The following IER3 variants were observed in gnomAD, a reference collection of about 807,000 sequenced individuals.
The protein encoded by IER3 is immediate early response 3.
IER3 carries 5 observed loss-of-function variants against 5.4 expected under a neutral mutation model. The ratio of observed to expected loss-of-function variants is 0.92; its 90% confidence interval spans 0.48 to 1.94. The LOEUF (loss-of-function observed/expected upper bound fraction) is 1.94, where lower values mean the gene tolerates loss of function less well. Ranked by LOEUF, IER3 falls within the 30% of genes most tolerant of loss-of-function variation. IER3 has a pLI of 0.01. For missense variants in IER3, 158 were observed against 218.2 expected (o/e 0.72, Z 1.74); for synonymous variants, 81 against 97.8 (o/e 0.83, Z 1.01).
Position 30,743,617 on chromosome 6 carries a change from T to C in IER3, c.*319A>G, listed in dbSNP as rs1267095854. On this transcript the variant is annotated 3_prime_UTR_variant, in exon 2 of 2. Coordinates refer to ENST00000259874, the MANE Select transcript of IER3 (RefSeq NM_003897.4). The surrounding 1 kb of genome is among the most constrained non-coding windows in gnomAD (Gnocchi z 6.5). ...ACACCCTTGCATAAGTTAAAATAAA[T>C]ATTACGTACACATCTCCATCACCTA... 2.2e-6 allele frequency: 1 copy of C among 446,870 alleles called. No individual in the cohort carries two copies. The allele number at this position is 446,870 out of a possible 1,614,324, so 27.7% of individuals were successfully genotyped here.
In IER3 at chr6:30,744,383, C is replaced by T. The variant is rs766796463; in HGVS notation, c.136G>A (p.Ala46Thr). The T allele has an allele frequency of 6.3e-7, 1 of 1,598,010 alleles. No individual in the cohort carries two copies. The highest frequency in any genetic ancestry group is 8.5e-7 in the Non-Finnish European group (1 of 1,174,480). ...GCGCTGGGGCGCCCGGCAGGGGCCG[C>T]TGCGGGCTCCGGGAGAGGGTCGAAG... ...FTFDPLPEPA[A>T]APAGRPSASR... The change falls in exon 1 of 2, where the codon GCG (alanine) becomes ACG (threonine). Residue 46 changes from alanine (A) to threonine (T), a missense_variant. Ala to Thr is a moderately conservative substitution (Grantham distance 58, BLOSUM62 0). Transcript: ENST00000259874. The surrounding 1 kb of genome is among the most constrained non-coding windows in gnomAD (Gnocchi z 6.0).
Position 30,744,065 on chromosome 6 carries a change from G to A in IER3, c.342C>T (p.Ala114=). ...TGGGCGCCAGGGATGCGGCGTTAGG[G>A]GCGTCCTCTGGAGGCAGGGGCGCCG... is the stretch of plus-strand genomic sequence containing the variant. ...GVPAPLPPED[A]PNAASLAPTP... Residue 114 remains alanine (A), a synonymous_variant, in exon 2 of 2, where the codon GCC becomes GCT. Coordinates refer to ENST00000259874, the MANE Select transcript of IER3 (RefSeq NM_003897.4). The surrounding 1 kb of genome is among the most constrained non-coding windows in gnomAD (Gnocchi z 6.0). 1 of 1,614,040 alleles carries A rather than the reference G, an allele frequency of 6.2e-7. No homozygotes were observed.
chr6:30,744,017 C>A lies in IER3; in HGVS notation c.390G>T (p.Glu130Asp). 6.2e-7 allele frequency: 1 copy of A among 1,613,890 alleles called. No individual in the cohort carries two copies. Among genetic ancestry groups the A allele is most frequent in the Non-Finnish European group, 8.5e-7 (1 of 1,179,978 alleles). The change falls in exon 2 of 2, where the codon GAG (glutamate) becomes GAT (aspartate). Residue 130 changes from glutamate (E) to aspartate (D), a missense_variant. Glu to Asp is a conservative substitution (Grantham distance 45, BLOSUM62 2). Transcript: ENST00000259874. This position sits in a 1 kb window ranked among gnomAD's most constrained non-coding sequence, Gnocchi z 6.0. ...AGGGCTCCGAAGTCAGATTAAAGGG[C>A]TCGAGGACGGCGGACACAGGGGTGG... is the stretch of plus-strand genomic sequence containing the variant. ...LAPTPVSAVL[E>D]PFNLTSEPSD...
Position 30,743,780 on chromosome 6 carries a change from G to A in IER3, c.*156C>T. 1 of 1,053,630 alleles carries A rather than the reference G, an allele frequency of 9.5e-7. No individual in the cohort carries two copies. The highest frequency in any genetic ancestry group is 1.3e-6 in the Non-Finnish European group (1 of 744,842). 65.3% of individuals were successfully genotyped at this position (1,053,630 alleles called of 1,614,324 possible). ...TGCGCCTCGGTCTCTGTGCGCCTCG[G>A]TCCCGCCTCAAGCACCGGGTGGCGT... On this transcript the variant is annotated 3_prime_UTR_variant, in exon 2 of 2. Transcript: ENST00000259874. The surrounding 1 kb of genome is among the most constrained non-coding windows in gnomAD (Gnocchi z 6.5).
rs2127787482 is a variant in IER3, at chr6:30,743,500, C to G, written c.*436G>C. 1 of 179,858 alleles carries G rather than the reference C, an allele frequency of 5.6e-6. No homozygotes were observed. Among genetic ancestry groups the G allele is most frequent in the African/African-American group, 2.4e-5 (1 of 42,180 alleles). The allele number at this position is 179,858 out of a possible 1,614,324, so 11.1% of individuals were successfully genotyped here. The stretch of plus-strand genomic sequence containing the variant: ...CGAGTCCTCCCCATTTCTTCTCCTA[C>G]TTTGCCGCAGTTCCAGGTGTCCTGC... On this transcript the variant is annotated 3_prime_UTR_variant, in exon 2 of 2. Coordinates refer to ENST00000259874, the MANE Select transcript of IER3 (RefSeq NM_003897.4). The surrounding 1 kb of genome is among the most constrained non-coding windows in gnomAD (Gnocchi z 6.5).
chr6:30,744,026 G>T lies in IER3; in HGVS notation c.381C>A (p.Ala127=). Residue 127 remains alanine, a synonymous_variant, in exon 2 of 2, where the codon GCC becomes GCA. Transcript: ENST00000259874. This position sits in a 1 kb window ranked among gnomAD's most constrained non-coding sequence, Gnocchi z 6.0. ...AAGTCAGATTAAAGGGCTCGAGGAC[G>T]GCGGACACAGGGGTGGGCGCCAGGG... The part of the protein sequence containing the change: ...AASLAPTPVS[A]VLEPFNLTSE... 8 of 1,613,838 alleles carry T rather than the reference G, an allele frequency of 5.0e-6. No homozygotes were observed. Among genetic ancestry groups the T allele is most frequent in the Non-Finnish European group, 6.8e-6 (8 of 1,179,944 alleles).
In IER3 at chr6:30,744,235, C is replaced by T; in HGVS notation, c.211-39G>A. The T allele has an allele frequency of 6.2e-7, 1 of 1,613,056 alleles. No homozygotes were observed. ...AAACAGGAGACAGGTCAGGTCGAGG[C>T]CTCTGGAGTCGGGTCGTTCCCCAGT... On this transcript the variant is annotated intron_variant, in intron 1 of 1. Transcript: ENST00000259874. This position sits in a 1 kb window ranked among gnomAD's most constrained non-coding sequence, Gnocchi z 6.0.
In IER3 at chr6:30,744,526, C is replaced by G; in HGVS notation, c.-8G>C. 3.4e-6 allele frequency: 5 copies of G among 1,476,748 alleles called. No individual in the cohort carries two copies. The highest frequency in any genetic ancestry group is 4.5e-6 in the Non-Finnish European group (5 of 1,116,968). 91.5% of individuals were successfully genotyped at this position (1,476,748 alleles called of 1,614,324 possible). On this transcript the variant is annotated 5_prime_UTR_variant, in exon 1 of 2. Coordinates refer to ENST00000259874, the MANE Select transcript of IER3 (RefSeq NM_003897.4). The surrounding 1 kb of genome is among the most constrained non-coding windows in gnomAD (Gnocchi z 6.0). ...GCTGCGAGAGTGACACATGGTGAGC[C>G]GAGCGGAGTGTAAGGCCAAGTGAGG...
In IER3 at chr6:30,743,686, A is replaced by G. The variant is rs894777407; in HGVS notation, c.*250T>C. On this transcript the variant is annotated 3_prime_UTR_variant, in exon 2 of 2. Transcript: ENST00000259874. This position sits in a 1 kb window ranked among gnomAD's most constrained non-coding sequence, Gnocchi z 6.5. Reference sequence around the variant, plus strand: ...CATATAAATATTAATTAGGAGCAATAAGAAATAAATTAACGACGCTCTCCT... The same window carrying G: ...CATATAAATATTAATTAGGAGCAATGAGAAATAAATTAACGACGCTCTCCT... 1 of 555,184 alleles carries G rather than the reference A, an allele frequency of 1.8e-6. No individual in the cohort carries two copies. Among genetic ancestry groups the G allele is most frequent in the Non-Finnish European group, 3.1e-6 (1 of 319,452 alleles). The allele number at this position is 555,184 out of a possible 1,614,324, so 34.4% of individuals were successfully genotyped here.
chr6:30,743,665 T>A lies in IER3; in HGVS notation c.*271A>T, dbSNP rs551120111. Reference sequence around the variant, plus strand: ...CTAGGAGGACGTACATAAATACATATAAATATTAATTAGGAGCAATAAGAA... The same window carrying A: ...CTAGGAGGACGTACATAAATACATAAAAATATTAATTAGGAGCAATAAGAA... On this transcript the variant is annotated 3_prime_UTR_variant, in exon 2 of 2. Transcript: ENST00000259874. The surrounding 1 kb of genome is among the most constrained non-coding windows in gnomAD (Gnocchi z 6.5). The A allele has an allele frequency of 2.4e-5, 13 of 541,228 alleles. No homozygotes were observed. The Admixed American group carries it at 4.5e-4, about 19-fold the overall frequency. 33.5% of individuals were successfully genotyped at this position (541,228 alleles called of 1,614,324 possible).
In IER3 at chr6:30,744,089, C is replaced by T. The variant is rs757896403; in HGVS notation, c.318G>A (p.Pro106=). The T allele has an allele frequency of 3.7e-6, 6 of 1,613,906 alleles. No individual in the cohort carries two copies. Among genetic ancestry groups the T allele is most frequent in the East Asian group, 2.2e-5 (1 of 44,892 alleles). The change falls in exon 2 of 2, where the codon CCG becomes CCA. Residue 106 remains proline, a synonymous_variant. Transcript: ENST00000259874. This position sits in a 1 kb window ranked among gnomAD's most constrained non-coding sequence, Gnocchi z 6.0. ...GGGCGTCCTCTGGAGGCAGGGGCGC[C>T]GGCACACCCTCTTCAGCCATCAGGA... ...CQILMAEEGV[P]APLPPEDAPN...
chr6:30,744,027 GC>G lies in IER3; in HGVS notation c.379del (p.Ala127ProfsTer8). 2 of 1,613,860 alleles carry G rather than the reference GC, an allele frequency of 1.2e-6. No homozygotes were observed. The highest frequency in any genetic ancestry group is 1.7e-6 in the Non-Finnish European group (2 of 1,179,944). On this transcript the variant is annotated frameshift_variant, in exon 2 of 2. Transcript: ENST00000259874. LOFTEE classifies it low-confidence loss of function (END_TRUNC). This position sits in a 1 kb window ranked among gnomAD's most constrained non-coding sequence, Gnocchi z 6.0. ...AASLAPTPVS[A>X]VLEPFNLTSE... ...AGTCAGATTAAAGGGCTCGAGGACGGCGGACACAGGGGTGGGCGCCAGGGAT... is the reference window on the plus strand; with the variant it reads ...AGTCAGATTAAAGGGCTCGAGGACGGGGACACAGGGGTGGGCGCCAGGGAT...
In IER3 at chr6:30,743,713, C is replaced by A; in HGVS notation, c.*223G>T. 3.5e-6 allele frequency: 2 copies of A among 570,914 alleles called. No individual in the cohort carries two copies. The highest frequency in any genetic ancestry group is 5.0e-5 in the South Asian group (2 of 40,238). 35.4% of individuals were successfully genotyped at this position (570,914 alleles called of 1,614,324 possible). ...GAAATAAATTAACGACGCTCTCCTT[C>A]CCACCGGGCCTAGCCCCAGCTGGGC... On this transcript the variant is annotated 3_prime_UTR_variant, in exon 2 of 2. Coordinates refer to ENST00000259874, the MANE Select transcript of IER3 (RefSeq NM_003897.4). This position sits in a 1 kb window ranked among gnomAD's most constrained non-coding sequence, Gnocchi z 6.5.
chr6:30,744,392 C>G lies in IER3; in HGVS notation c.127G>C (p.Glu43Gln). ...CGCCCGGCAGGGGCCGCTGCGGGCT[C>G]CGGGAGAGGGTCGAAGGTGAAGATC... ...PEIFTFDPLP[E>Q]PAAAPAGRPS... is the part of the protein sequence containing the mutation. The change falls in exon 1 of 2, where the codon GAG (glutamate) becomes CAG (glutamine). Residue 43 changes from glutamate (E) to glutamine (Q), a missense_variant. Physicochemically the swap from Glu to Gln is conservative, Grantham distance 29. Transcript: ENST00000259874. This position sits in a 1 kb window ranked among gnomAD's most constrained non-coding sequence, Gnocchi z 6.0. 1.3e-6 allele frequency: 2 copies of G among 1,591,666 alleles called. No individual in the cohort carries two copies. The highest frequency in any genetic ancestry group is 1.7e-6 in the Non-Finnish European group (2 of 1,171,948).
rs1562202504 is a variant in IER3, at chr6:30,743,825, G to A, written c.*111C>T. ...TGGCGTCTCCGCTGTAGTGTTCTGA[G>A]TTCAAGTTGCCTCGGAAGTCCCAGT... On this transcript the variant is annotated 3_prime_UTR_variant, in exon 2 of 2. Transcript: ENST00000259874. This position sits in a 1 kb window ranked among gnomAD's most constrained non-coding sequence, Gnocchi z 6.5. The A allele has an allele frequency of 1.4e-6, 2 of 1,458,542 alleles. No homozygotes were observed. The highest frequency in any genetic ancestry group is 1.9e-6 in the Non-Finnish European group (2 of 1,076,148). 90.4% of individuals were successfully genotyped at this position (1,458,542 alleles called of 1,614,324 possible).
chr6:30,743,314 G>T lies in IER3; in HGVS notation c.*622C>A, dbSNP rs1778161911. The stretch of plus-strand genomic sequence containing the variant: ...TCTACCTCGCAGCCACCCTAAAGGC[G>T]ACTTCAAGAAGATGGAAGGATCTCA... On this transcript the variant is annotated 3_prime_UTR_variant, in exon 2 of 2. Coordinates refer to ENST00000259874, the MANE Select transcript of IER3 (RefSeq NM_003897.4). The surrounding 1 kb of genome is among the most constrained non-coding windows in gnomAD (Gnocchi z 6.5). 6.5e-6 allele frequency: 1 copy of T among 152,922 alleles called. No homozygotes were observed. Among genetic ancestry groups the T allele is most frequent in the Non-Finnish European group, 1.5e-5 (1 of 68,470 alleles). The allele number at this position is 152,922 out of a possible 1,614,324, so 9.5% of individuals were successfully genotyped here. A position where few individuals can be genotyped will look rare whatever the true frequency, so the allele number is the denominator to read the frequency against.
chr6:30,744,309 C>T lies in IER3; in HGVS notation c.210G>A (p.Val70=), dbSNP rs1055830973. The T allele has an allele frequency of 1.2e-6, 2 of 1,612,804 alleles. No homozygotes were observed. The highest frequency in any genetic ancestry group is 2.2e-5 in the East Asian group (1 of 44,874). The change falls in exon 1 of 2, where the codon GTG becomes GTA. Residue 70 remains valine (V), a splice_region_variant and synonymous_variant. Coordinates refer to ENST00000259874, the MANE Select transcript of IER3 (RefSeq NM_003897.4). The surrounding 1 kb of genome is among the most constrained non-coding windows in gnomAD (Gnocchi z 6.0). ...GAATGCCCACTTCGGCGATACTCAC[C>T]ACTCGAGGGTAGAGAACCCTGCGGC... The part of the protein sequence containing the change: ...KRSRRVLYPR[V]VRRQLPVEEP...
Position 30,743,984 on chromosome 6 carries a change from G to T in IER3, c.423C>A (p.Tyr141Ter). ...GGAGGAAAGTGCTGAGGTCCAGAGC[G>T]TAGTCCGAGGGCTCCGAAGTCAGAT... is the stretch of plus-strand genomic sequence containing the variant. Reference protein sequence around the residue: ...PFNLTSEPSDYALDLSTFLQQ... With the variant: ...PFNLTSEPSD The change falls in exon 2 of 2, where the codon TAC becomes TAA. Residue 141 changes from tyrosine (Y) to a stop codon, truncating the protein, a stop_gained. Coordinates refer to ENST00000259874, the MANE Select transcript of IER3 (RefSeq NM_003897.4). LOFTEE classifies it high-confidence loss of function. The surrounding 1 kb of genome is among the most constrained non-coding windows in gnomAD (Gnocchi z 6.5). 1 of 1,613,968 alleles carries T rather than the reference G, an allele frequency of 6.2e-7. No individual in the cohort carries two copies. Among genetic ancestry groups the T allele is most frequent in the Non-Finnish European group, 8.5e-7 (1 of 1,179,986 alleles).
rs761311868 is a variant in IER3 at position 30,744,359 on chromosome 6, C to T, written c.160G>A (p.Ala54Thr). 11 of 1,609,532 alleles carry T rather than the reference C, an allele frequency of 6.8e-6. No homozygotes were observed. The highest frequency in any genetic ancestry group is 7.6e-6 in the Non-Finnish European group (9 of 1,178,910). The change falls in exon 1 of 2, where the codon GCC (alanine) becomes ACC (threonine). Residue 54 changes from alanine (A) to threonine (T), a missense_variant. Coordinates refer to ENST00000259874, the MANE Select transcript of IER3 (RefSeq NM_003897.4). This position sits in a 1 kb window ranked among gnomAD's most constrained non-coding sequence, Gnocchi z 6.0. ...CTGCGCTTTCGGTGCCCGCGAGAGG[C>T]GCTGGGGCGCCCGGCAGGGGCCGCT... is the stretch of plus-strand genomic sequence containing the variant. Reference protein sequence around the residue: ...PAAAPAGRPSASRGHRKRSRR... With the variant: ...PAAAPAGRPSTSRGHRKRSRR...
Sources: allele counts gnomAD v4.1 joint callset, GRCh38; gene constraint gnomAD v4.1.1; non-coding constraint Gnocchi (gnomAD v3.1); transcripts MANE v1.5; gene names NCBI Gene and HGNC (gene_info 2026-07-23, HGNC 2026-07-21).